The following LRRC52 variants were observed in gnomAD, a reference collection of about 807,000 sequenced individuals.
LRRC52 encodes the protein leucine rich repeat containing 52.
Under a neutral mutation model 14.7 loss-of-function variants are expected in LRRC52, and 15 were observed. The observed-to-expected ratio is 1.02, with a 90% confidence interval of 0.68 to 1.58. The LOEUF is 1.58. Among genes scored for constraint, LRRC52 ranks in the 40% most tolerant of loss-of-function variants. LRRC52 has a pLI of 0.00. For synonymous variants in LRRC52, 180 were observed against 163.9 expected (o/e 1.10, Z -0.75); for missense variants, 400 against 387.7 (o/e 1.03, Z -0.27).
Position 165,555,382 on chromosome 1 carries a change from A to C in LRRC52, c.623-8123A>C, listed in dbSNP as rs567425556. 3.9e-4 allele frequency among the ~76,000 whole-genome samples: 60 copies of C among 152,326 alleles called. 1 individual carries two copies. Among genetic ancestry groups the C allele is most frequent in the Non-Finnish European group, 7.4e-5 (5 of 68,022 alleles). On this transcript the variant is annotated intron_variant, in intron 1 of 1. Transcript: ENST00000294818. ...CTCTGGGCTGGAATAGAAAGGGAAT[A>C]TGGCTGGAGCAGAGTGAAGGAAAAG...
intron 1 of LRRC52, 25 bp downstream of exon 1, chr1:165,544,943 AAG>A (rs1660988590): frequency 1.2e-6 from 2 of 1,606,304 alleles, no homozygotes; most frequent in African/African-American, 2.7e-5. Context: ...GGGTGTGGGG[AAG>A]AGGATGTGAT....
chr1:165,563,306 C>G (rs1249369533), intron 1 of LRRC52, among the ~76,000 whole-genome samples, 199 bp from the exon 2 acceptor site: 1 of 152,214 alleles, frequency 6.6e-6, no homozygotes, highest in Non-Finnish European at 1.5e-5. Flanking sequence ...TGTTGAGATG[C>G]AGATTTGGAT....
intron 1 of LRRC52, among the ~76,000 whole-genome samples, chr1:165,561,792 CAAAAT>C (rs1661349974): frequency 6.6e-6 from 1 of 152,232 alleles, no homozygotes; most frequent in Non-Finnish European, 1.5e-5. Flanking sequence ...CTGAACAAAA[CAAAAT>C]GACTTTGCTG....
intron 1 of LRRC52, among the ~76,000 whole-genome samples, chr1:165,554,298 A>G (rs908633867): frequency 6.6e-6 from 1 of 152,122 alleles, no homozygotes; most frequent in Non-Finnish European, 1.5e-5. Context: ...TGCAGAAACA[A>G]ACAGGGTGAG....
At chr1:165,553,352 C>T (rs571170111) in intron 1 of LRRC52, among the ~76,000 whole-genome samples, 15 of 152,254 alleles carry the variant, frequency 9.9e-5, no homozygotes, top group African/African-American at 3.6e-4. Context: ...AGATTTAGCA[C>T]CAGGGATCCC....
At chr1:165,546,698 AC>A (rs1231781941) in intron 1 of LRRC52, among the ~76,000 whole-genome samples, 1 of 151,816 alleles carries the variant, frequency 6.6e-6, no homozygotes, top group African/African-American at 2.4e-5. Flanking sequence ...CTTGGCTTCC[AC>A]CCCAGCACCT....
At chr1:165,555,641 G>T (rs1294405513) in intron 1 of LRRC52, among the ~76,000 whole-genome samples, 1 of 152,226 alleles carries the variant, frequency 6.6e-6, no homozygotes, top group African/African-American at 2.4e-5. Context: ...AGGCAAAAGA[G>T]GACACTGGCT....
intron 1 of LRRC52, 123 bp downstream of exon 1, chr1:165,545,041 A>G (rs935315764): frequency 1.6e-6 from 2 of 1,237,500 alleles, no homozygotes; most frequent in African/African-American, 3.0e-5. Flanking sequence ...CATTCTTATT[A>G]CTCTGCAGGG....
At position 165,563,749 on chromosome 1, in the gene LRRC52, G is replaced by T. The variant is rs138375533; in HGVS notation, c.867G>T (p.Gly289=). ...GTGAAGAAGATGAGGACGAGGCCGG[G>T]ACTAGGGTGGAAGTCAGCCGGCGGA... ...KSSEEDEDEA[G]TRVEVSRRIF... Residue 289 remains glycine, a synonymous_variant, in exon 2 of 2, where the codon GGG becomes GGT. Coordinates refer to ENST00000294818, the MANE Select transcript of LRRC52 (RefSeq NM_001005214.4). 2.5e-6 allele frequency: 4 copies of T among 1,614,068 alleles called. No individual in the cohort carries two copies. In the African/African-American group the frequency reaches 5.3e-5, roughly 22 times the overall value.
Position 165,563,580 on chromosome 1 carries a change from G to C in LRRC52, c.698G>C (p.Arg233Pro), listed in dbSNP as rs202095448. The C allele has an allele frequency of 1.9e-6, 3 of 1,614,088 alleles. No individual in the cohort carries two copies. Among genetic ancestry groups the C allele is most frequent in the African/African-American group, 1.3e-5 (1 of 74,942 alleles). ...WPITRVGNPL[R>P]YMCITHLDHK... is the part of the protein sequence containing the mutation. The stretch of plus-strand genomic sequence containing the variant: ...ATCACCCGGGTGGGGAACCCACTCC[G>C]ATACATGTGCATCACGCACCTGGAC... The change falls in exon 2 of 2, where the codon CGA becomes CCA. Residue 233 changes from arginine (R) to proline (P), a missense_variant. Transcript: ENST00000294818.
At chr1:165,553,246 C>T (rs1661171009) in intron 1 of LRRC52, among the ~76,000 whole-genome samples, 1 of 152,078 alleles carries the variant, frequency 6.6e-6, no homozygotes, top group Non-Finnish European at 1.5e-5. Flanking sequence ...CAGCAGGAGC[C>T]CCCAGACAAA....
Position 165,544,209 on chromosome 1 carries a change from C to T in LRRC52, c.-88C>T. ...TGTTACAGTTCTTTCCAGAGCCCCT[C>T]CCCCGCCCCACCCCCCCACCGGCAG... On this transcript the variant is annotated 5_prime_UTR_variant, in exon 1 of 2. Transcript: ENST00000294818. 7 of 926,544 alleles carry T rather than the reference C, an allele frequency of 7.6e-6. 3 individuals are homozygous for T. The highest frequency in any genetic ancestry group is 3.2e-5 in the South Asian group (2 of 62,946). 57.4% of individuals were successfully genotyped at this position (926,544 alleles called of 1,614,324 possible). A position where few individuals can be genotyped will look rare whatever the true frequency, so the allele number is the denominator to read the frequency against.
At chr1:165,550,546 A>G (rs1029046911) in intron 1 of LRRC52, among the ~76,000 whole-genome samples, 1 of 152,214 alleles carries the variant, frequency 6.6e-6, no homozygotes, top group Non-Finnish European at 1.5e-5. Context: ...TTAAGCTGGA[A>G]CTTTAGAATC....
rs758022518 is a variant in LRRC52 at position 165,563,889 on chromosome 1, T to A, written c.*65T>A. On this transcript the variant is annotated 3_prime_UTR_variant, in exon 2 of 2. Coordinates refer to ENST00000294818, the MANE Select transcript of LRRC52 (RefSeq NM_001005214.4). ...CCTGCTTTCTCTCTTGCCCTCCCCATCCCACCACCTTGGAGCTGTCATAGA... is the reference window on the plus strand; with the variant it reads ...CCTGCTTTCTCTCTTGCCCTCCCCAACCCACCACCTTGGAGCTGTCATAGA... 6.6e-5 allele frequency: 98 copies of A among 1,487,182 alleles called. No homozygotes were observed. Among genetic ancestry groups the A allele is most frequent in the Non-Finnish European group, 8.5e-5 (92 of 1,083,934 alleles). The allele number at this position is 1,487,182 out of a possible 1,614,324, so 92.1% of individuals were successfully genotyped here. A position where few individuals can be genotyped will look rare whatever the true frequency, so the allele number is the denominator to read the frequency against.
At chr1:165,561,772 C>T (rs966505632) in intron 1 of LRRC52, among the ~76,000 whole-genome samples, 4 of 152,372 alleles carry the variant, frequency 2.6e-5, no homozygotes, top group South Asian at 2.1e-4. Context: ...ACACACTGCA[C>T]ACCATCTTCC....
chr1:165,561,904 A>C (rs1661351797), intron 1 of LRRC52, among the ~76,000 whole-genome samples: 1 of 152,220 alleles, frequency 6.6e-6, no homozygotes, highest in African/African-American at 2.4e-5. Flanking sequence ...CCTTCTCCCC[A>C]GCCAACTTAC....
At chr1:165,551,921 C>T (rs973642008) in intron 1 of LRRC52, among the ~76,000 whole-genome samples, 6 of 149,956 alleles carry the variant, frequency 4.0e-5, no homozygotes, top group Non-Finnish European at 8.9e-5. Context: ...ATTCCACTAT[C>T]AATGCTTACC....
intron 1 of LRRC52, among the ~76,000 whole-genome samples, chr1:165,554,040 T>C (rs1661185936): frequency 6.6e-6 from 1 of 152,192 alleles, no homozygotes; most frequent in African/African-American, 2.4e-5. Context: ...CCTCTGTCAC[T>C]TGCCGACTAC....
rs1467992096 is a variant in LRRC52, at chr1:165,544,017, G to A, written c.-280G>A. ...CCCTGGCTCCCCTTCACTTGCAAAC[G>A]CAGGGAAAGGGTGAGACCTTTCAAA... On this transcript the variant is annotated 5_prime_UTR_variant, in exon 1 of 2. Transcript: ENST00000294818. 8.8e-6 allele frequency: 4 copies of A among 454,108 alleles called. No homozygotes were observed. Among genetic ancestry groups the A allele is most frequent in the East Asian group, 7.2e-5 (2 of 27,648 alleles). 28.1% of individuals were successfully genotyped at this position (454,108 alleles called of 1,614,324 possible).
Sources: allele counts gnomAD v4.1 joint callset (sites outside exome capture counted in the v4.1 genomes callset), GRCh38; gene constraint gnomAD v4.1.1; transcripts MANE v1.5; gene names NCBI Gene and HGNC (gene_info 2026-07-23, HGNC 2026-07-21).